The following IL36RN variants were observed in gnomAD, a reference collection of about 807,000 sequenced individuals.
IL36RN encodes interleukin-36 receptor antagonist protein.
IL36RN carries 11 observed loss-of-function variants against 13.0 expected under a neutral mutation model. That is an observed-to-expected ratio of 0.85 (90% CI 0.53 to 1.40). The LOEUF (loss-of-function observed/expected upper bound fraction) is 1.40. Among genes scored for constraint, IL36RN ranks in the 40% most tolerant of loss-of-function variants. The probability of loss-of-function intolerance (pLI) is 0.00; values close to 1 mark genes in which losing one functional copy is unlikely to be tolerated. For missense variants in IL36RN, 195 were observed against 195.3 expected (o/e 1.00, Z 0.01); for synonymous variants, 94 against 84.1 (o/e 1.12, Z -0.64).
intron 1 of IL36RN, 77 bp downstream of exon 1, chr2:113,059,318 A>C (rs1319357053): frequency 9.2e-7 from 1 of 1,083,778 alleles, no homozygotes; most frequent in Non-Finnish European, 1.4e-6. Flanking sequence ...GAGGCTGTTC[A>C]CATGCTGGGG....
At chr2:113,060,719 G>A in intron 2 of IL36RN, 133 bp from the exon 3 acceptor site, 1 of 723,694 alleles carries the variant, frequency 1.4e-6, no homozygotes, top group Non-Finnish European at 2.5e-6. Flanking sequence ...AGACAAGGCT[G>A]TGCTGTTACT....
At chr2:113,060,819 T>C (rs774280547) in intron 2 of IL36RN, 33 bp from the exon 3 acceptor site, 2 of 1,521,282 alleles carry the variant, frequency 1.3e-6, no homozygotes, top group East Asian at 2.3e-5. Flanking sequence ...ACCCTCCTCC[T>C]AATGTAGTCC....
upstream of IL36RN, chr2:113,059,136 C>T (rs749355226): frequency 2.1e-6 from 1 of 476,962 alleles, no homozygotes; most frequent in Non-Finnish European, 3.8e-6. Flanking sequence ...TCCTCAGGTC[C>T]TGGCAGTTTC....
At chr2:113,061,939 A>G (rs1035645086) in intron 3 of IL36RN, among the ~76,000 whole-genome samples, 185 bp from the exon 4 acceptor site, 5 of 152,152 alleles carry the variant, frequency 3.3e-5, no homozygotes, top group African/African-American at 1.2e-4. Context: ...ATGTGCTTCC[A>G]TGCCTTGATG....
At position 113,062,519 on chromosome 2, in the gene IL36RN, G is replaced by T; in HGVS notation, c.310G>T (p.Asp104Tyr). 1 of 1,614,112 alleles carries T rather than the reference G, an allele frequency of 6.2e-7. No individual in the cohort carries two copies. Among genetic ancestry groups the T allele is most frequent in the Non-Finnish European group, 8.5e-7 (1 of 1,180,012 alleles). The change falls in exon 5 of 5, where the codon GAC becomes TAC. Residue 104 changes from aspartate to tyrosine, a missense_variant. Coordinates refer to ENST00000393200, the MANE Select transcript of IL36RN (RefSeq NM_012275.3). ...ESKSFTFYRR[D>Y]MGLTSSFESA... is the part of the protein sequence containing the mutation. ...CAAGAGCTTCACCTTCTACCGGCGG[G>T]ACATGGGGCTCACCTCCAGCTTCGA...
Position 113,059,220 on chromosome 2 carries a change from C to T in IL36RN, c.-49C>T, listed in dbSNP as rs973913843. On this transcript the variant is annotated 5_prime_UTR_variant, in exon 1 of 5. Transcript: ENST00000393200. ...AACAGGCAGACTCCACAGCTCCCGC[C>T]AGGAGAAAGGAACATTCTGAGGTAT... 2 of 622,748 alleles carry T rather than the reference C, an allele frequency of 3.2e-6. No individual in the cohort carries two copies. Among genetic ancestry groups the T allele is most frequent in the Non-Finnish European group, 5.8e-6 (2 of 343,354 alleles). 38.6% of individuals were successfully genotyped at this position (622,748 alleles called of 1,614,324 possible).
In IL36RN at chr2:113,062,147, A is replaced by G. The variant is rs1685654399; in HGVS notation, c.139A>G (p.Asn47Asp). 1.2e-6 allele frequency: 2 copies of G among 1,614,010 alleles called. No homozygotes were observed. The highest frequency in any genetic ancestry group is 3.3e-5 in the Admixed American group (2 of 60,006). ...IKGEEISVVP[N>D]RWLDASLSPV... ...AGGTGAAGAGATCAGCGTGGTCCCC[A>G]ATCGGTGGCTGGATGCCAGCCTGTC... is the stretch of plus-strand genomic sequence containing the variant. The change falls in exon 4 of 5, where the codon AAT becomes GAT. Residue 47 changes from asparagine (N) to aspartate (D), a missense_variant. By Grantham distance (23) the Asn-to-Asp change is conservative. Coordinates refer to ENST00000393200, the MANE Select transcript of IL36RN (RefSeq NM_012275.3).
rs1685589316 is a variant in IL36RN at position 113,059,245 on chromosome 2, T to C, written c.-28+4T>C. ...CAGGAGAAAGGAACATTCTGAGGTA[T>C]GCTCTGGGGCGCTGGTGGTACCGGA... On this transcript the variant is annotated splice_donor_region_variant and intron_variant, in intron 1 of 4. Coordinates refer to ENST00000393200, the MANE Select transcript of IL36RN (RefSeq NM_012275.3). 3.0e-6 allele frequency: 2 copies of C among 663,872 alleles called. No homozygotes were observed. Among genetic ancestry groups the C allele is most frequent in the South Asian group, 3.4e-5 (2 of 58,734 alleles). The allele number at this position is 663,872 out of a possible 1,614,324, so 41.1% of individuals were successfully genotyped here.
chr2:113,058,847 A>G (rs1685582091), upstream of IL36RN: 4 of 153,542 alleles, frequency 2.6e-5, no homozygotes, highest in Admixed American at 2.6e-4. Context: ...GGAGGGAGTG[A>G]GTGAATGAAA....
At position 113,062,667 on chromosome 2, in the gene IL36RN, A is replaced by G. The variant is rs771496493; in HGVS notation, c.458A>G (p.Gln153Arg). Reference protein sequence around the residue: ...NAPITDFYFQQCD With the variant: ...NAPITDFYFQRCD ...CCCATCACAGACTTCTACTTCCAGCAGTGTGACTAGGGCAACGTGCCCCCC... is the reference window on the plus strand; with the variant it reads ...CCCATCACAGACTTCTACTTCCAGCGGTGTGACTAGGGCAACGTGCCCCCC... Residue 153 changes from glutamine to arginine, a missense_variant, in exon 5 of 5, where the codon CAG becomes CGG. Coordinates refer to ENST00000393200, the MANE Select transcript of IL36RN (RefSeq NM_012275.3). 45 of 1,610,872 alleles carry G rather than the reference A, an allele frequency of 2.8e-5. No individual in the cohort carries two copies. The highest frequency in any genetic ancestry group is 3.7e-5 in the Non-Finnish European group (44 of 1,179,954).
rs1291645385 is a variant in IL36RN at position 113,063,826 on chromosome 2, C to G, written c.*1149C>G. On this transcript the variant is annotated 3_prime_UTR_variant, in exon 5 of 5. Coordinates refer to ENST00000393200, the MANE Select transcript of IL36RN (RefSeq NM_012275.3). ...AACAAAAATCATCTGGTAATTCTTT[C>G]CTAGAAGGATCACAGCCCCTGGGAT... is the stretch of plus-strand genomic sequence containing the variant. 1 of 152,176 alleles carries G rather than the reference C, an allele frequency of 6.6e-6. No individual in the cohort carries two copies. Among genetic ancestry groups the G allele is most frequent in the Non-Finnish European group, 1.5e-5 (1 of 68,036 alleles). 9.4% of individuals were successfully genotyped at this position (152,176 alleles called of 1,614,324 possible).
At chr2:113,061,598 G>A (rs2515396) in intron 3 of IL36RN, among the ~76,000 whole-genome samples, 102,868 of 151,426 alleles carry the variant, frequency 0.68, 35,610 homozygotes, top group East Asian at 0.93. Context: ...ATGTATCTGT[G>A]TGTAACCATG....
Position 113,060,932 on chromosome 2 carries a change from T to A in IL36RN, c.110T>A (p.Ile37Asn). 6.2e-7 allele frequency: 1 copy of A among 1,613,672 alleles called. No homozygotes were observed. The highest frequency in any genetic ancestry group is 2.2e-5 in the East Asian group (1 of 44,878). The change falls in exon 3 of 5, where the codon ATT becomes AAT. Residue 37 changes from isoleucine to asparagine, a missense_variant. Coordinates refer to ENST00000393200, the MANE Select transcript of IL36RN (RefSeq NM_012275.3). ...GGAGGGCTGCATGCAGGGAAGGTCA[T>A]TAAAGGTTGGTGATGAAACATGACC... Reference protein sequence around the residue: ...LAGGLHAGKVIKGEEISVVPN... With the variant: ...LAGGLHAGKVNKGEEISVVPN...
At position 113,059,494 on chromosome 2, in the gene IL36RN, G is replaced by A. The variant is rs200153317; in HGVS notation, c.29+27G>A. 49 of 1,613,398 alleles carry A rather than the reference G, an allele frequency of 3.0e-5. No homozygotes were observed. In the Middle Eastern group the frequency reaches 5.4e-4, roughly 18 times the overall value. ...TGAGTGTATGAGGCCCTGGTTTGGT[G>A]GTGTCCTCCGGAGGAAGTGAGTTCT... On this transcript the variant is annotated intron_variant, in intron 2 of 4. Transcript: ENST00000393200.
chr2:113,061,072 G>C (rs1685631455), intron 3 of IL36RN, 135 bp downstream of exon 3: 1 of 732,116 alleles, frequency 1.4e-6, no homozygotes, highest in Non-Finnish European at 2.5e-6. Flanking sequence ...CACAAACCAG[G>C]CTCTAAGCAA....
chr2:113,060,085 T>G (rs1685610267), intron 2 of IL36RN, among the ~76,000 whole-genome samples: 1 of 152,082 alleles, frequency 6.6e-6, no homozygotes, highest in Admixed American at 6.5e-5. Context: ...ATGCAGGGAA[T>G]TCTGCTTTCT....
At chr2:113,060,195 C>T (rs1447347899) in intron 2 of IL36RN, among the ~76,000 whole-genome samples, 4 of 152,144 alleles carry the variant, frequency 2.6e-5, no homozygotes, top group African/African-American at 7.2e-5. Flanking sequence ...AGCCATGCAT[C>T]GACCCAATTT....
In IL36RN at chr2:113,063,935, C is replaced by A. The variant is rs147788845; in HGVS notation, c.*1258C>A. 2.0e-5 allele frequency: 3 copies of A among 152,324 alleles called. No homozygotes were observed. The highest frequency in any genetic ancestry group is 4.4e-5 in the Non-Finnish European group (3 of 68,038). The allele number at this position is 152,324 out of a possible 1,614,324, so 9.4% of individuals were successfully genotyped here. Reference sequence around the variant, plus strand: ...CTCAAATTCACATCCTTCTTGGAATCTCAGTCTGTGAGTTTATTTGGAGAT... The same window carrying A: ...CTCAAATTCACATCCTTCTTGGAATATCAGTCTGTGAGTTTATTTGGAGAT... On this transcript the variant is annotated 3_prime_UTR_variant, in exon 5 of 5. Coordinates refer to ENST00000393200, the MANE Select transcript of IL36RN (RefSeq NM_012275.3).
chr2:113,062,310 C>A, intron 4 of IL36RN, 59 bp downstream of exon 4: 2 of 1,610,932 alleles, frequency 1.2e-6, no homozygotes, highest in Non-Finnish European at 1.7e-6. Context: ...CTACTGAAGC[C>A]GGGCAGCCCA....
Sources: allele counts gnomAD v4.1 joint callset (sites outside exome capture counted in the v4.1 genomes callset), GRCh38; gene constraint gnomAD v4.1.1; transcripts MANE v1.5; gene names NCBI Gene and HGNC (gene_info 2026-07-23, HGNC 2026-07-21).